Variants in MPRIP observed in about 807,000 individuals in gnomAD.
MPRIP encodes myosin phosphatase Rho interacting protein, also known as myosin phosphatase Rho-interacting protein.
MPRIP carries 59 observed loss-of-function variants against 234.9 expected under a neutral mutation model. That is an observed-to-expected ratio of 0.25 (90% confidence interval 0.20 to 0.31). The LOEUF is 0.31. Among genes scored for constraint, MPRIP ranks in the 10% least tolerant of loss-of-function variants. The probability of loss-of-function intolerance (pLI) is 1.00; values close to 1 mark genes in which losing one functional copy is unlikely to be tolerated. For synonymous variants in MPRIP, 1,144 were observed against 1,263.9 expected (o/e 0.91, Z 2.01); for missense variants, 2,436 against 3,071.0 (o/e 0.79, Z 4.89).
At chr17:17,083,364 G>A (rs2089510109) in intron 3 of MPRIP, among the ~76,000 whole-genome samples, 2 of 152,216 alleles carry the variant, frequency 1.3e-5, no homozygotes, top group Admixed American at 1.3e-4. Flanking sequence ...CACTCCAGGT[G>A]CAGACAGGTT....
At chr17:17,056,784 G>A (rs568728955) in intron 1 of MPRIP, among the ~76,000 whole-genome samples, 1 of 150,506 alleles carries the variant, frequency 6.6e-6, no homozygotes, top group Non-Finnish European at 1.5e-5. Flanking sequence ...AGTCACCCCC[G>A]CCTTTAGTCC....
intron 7 of MPRIP, chr17:17,142,104 C>T (rs1176503325): frequency 6.4e-6 from 1 of 157,396 alleles, no homozygotes; most frequent in Non-Finnish European, 1.4e-5. Flanking sequence ...CGGCCGTAGA[C>T]AGCCTGAGGA....
At chr17:17,048,500 A>G (rs1397754238) in intron 1 of MPRIP, among the ~76,000 whole-genome samples, 1 of 152,164 alleles carries the variant, frequency 6.6e-6, no homozygotes, top group Non-Finnish European at 1.5e-5. Flanking sequence ...GATCTGTAAC[A>G]GGAGTTGGTG....
chr17:17,119,856 G>A (rs996385148), intron 3 of MPRIP, among the ~76,000 whole-genome samples: 6 of 152,212 alleles, frequency 3.9e-5, no homozygotes, highest in Admixed American at 2.0e-4. Context: ...CTGACTCACC[G>A]TTTTCCATTT....
chr17:17,052,210 G>T (rs1479962324), intron 1 of MPRIP, among the ~76,000 whole-genome samples: 1 of 152,156 alleles, frequency 6.6e-6, no homozygotes, highest in Non-Finnish European at 1.5e-5. Context: ...CCTGGCTCCA[G>T]ACTCCACCCT....
At chr17:17,086,477 C>G (rs765816955) in intron 3 of MPRIP, among the ~76,000 whole-genome samples, 1 of 152,148 alleles carries the variant, frequency 6.6e-6, no homozygotes, top group Non-Finnish European at 1.5e-5. Context: ...TGAACCAGTG[C>G]GGTGGAGTCT....
rs758344769 is a variant in MPRIP at position 17,175,281 on chromosome 17, G to A, written c.6751-12G>A. ...AGCTCTGGAGTGTCACTGTTGTGTT[G>A]CTGTCCCCCAGGAGCTGAACAACCG... On this transcript the variant is annotated splice_polypyrimidine_tract_variant and intron_variant, in intron 19 of 23. Transcript: ENST00000651222. 1 of 1,613,026 alleles carries A rather than the reference G, an allele frequency of 6.2e-7. No homozygotes were observed. Among genetic ancestry groups the A allele is most frequent in the East Asian group, 2.2e-5 (1 of 44,886 alleles).
At chr17:17,122,574 C>T (rs1216067718) in intron 3 of MPRIP, among the ~76,000 whole-genome samples, 1 of 152,152 alleles carries the variant, frequency 6.6e-6, no homozygotes, top group Non-Finnish European at 1.5e-5. Flanking sequence ...AGGATGATCT[C>T]GATCTCCTGA....
intron 8 of MPRIP, 103 bp from the exon 9 acceptor site, chr17:17,143,453 G>A: frequency 7.4e-6 from 5 of 680,204 alleles, no homozygotes; most frequent in Non-Finnish European, 1.2e-5. Context: ...CTCGCCAGGA[G>A]CAAGGCCCTG....
intron 9 of MPRIP, among the ~76,000 whole-genome samples, chr17:17,145,225 T>G (rs945342649): frequency 6.6e-6 from 1 of 152,250 alleles, no homozygotes; most frequent in African/African-American, 2.4e-5. Context: ...TTTGTTCTGG[T>G]AGTTATCCTG....
At chr17:17,133,216 C>T (rs988540082) in intron 5 of MPRIP, among the ~76,000 whole-genome samples, 4 of 152,206 alleles carry the variant, frequency 2.6e-5, no homozygotes, top group Non-Finnish European at 4.4e-5. Context: ...GCACAGGGTT[C>T]CTAGCCTTCT....
chr17:17,046,717 G>C (rs1378710061), intron 1 of MPRIP, among the ~76,000 whole-genome samples: 1 of 152,084 alleles, frequency 6.6e-6, no homozygotes, highest in Non-Finnish European at 1.5e-5. Flanking sequence ...TTTAGGTCAG[G>C]GGTCTGCAAA....
chr17:17,084,949 A>T (rs2089551916), intron 3 of MPRIP, among the ~76,000 whole-genome samples: 1 of 152,234 alleles, frequency 6.6e-6, no homozygotes, highest in Admixed American at 6.5e-5. Context: ...TTAGGCCTGG[A>T]GGCCCTTCAT....
chr17:17,172,824 C>T lies in MPRIP; in HGVS notation c.6590+9C>T, dbSNP rs1340469572. Reference sequence around the variant, plus strand: ...CTGCGGCGCCAGTACCTGTAAGTGGCTGGGCCTGCCCATCTGCCCTTGGGA... The same window carrying T: ...CTGCGGCGCCAGTACCTGTAAGTGGTTGGGCCTGCCCATCTGCCCTTGGGA... On this transcript the variant is annotated intron_variant, in intron 18 of 23. Transcript: ENST00000651222. 11 of 1,608,038 alleles carry T rather than the reference C, an allele frequency of 6.8e-6. No individual in the cohort carries two copies. Among genetic ancestry groups the T allele is most frequent in the Non-Finnish European group, 8.5e-6 (10 of 1,176,840 alleles).
intron 1 of MPRIP, 127 bp downstream of exon 1, chr17:17,043,098 G>C: frequency 1.1e-6 from 1 of 883,384 alleles, no homozygotes; most frequent in Non-Finnish European, 1.7e-6. Flanking sequence ...GGGGCATGGG[G>C]ACGGGGACGG....
At chr17:17,100,040 G>A (rs1397453675) in intron 3 of MPRIP, among the ~76,000 whole-genome samples, 1 of 152,334 alleles carries the variant, frequency 6.6e-6, no homozygotes, top group East Asian at 1.9e-4. Flanking sequence ...CTGGGATGGC[G>A]CTGGGTGGGG....
At position 17,188,927 on chromosome 17, in the gene MPRIP, G is replaced by A. The variant is rs1288426437; in HGVS notation, c.*4033G>A. The A allele has an allele frequency of 2.0e-5, 3 of 152,268 alleles. No homozygotes were observed. The highest frequency in any genetic ancestry group is 4.8e-5 in the African/African-American group (2 of 41,452). The allele number at this position is 152,268 out of a possible 1,614,324, so 9.4% of individuals were successfully genotyped here. A position where few individuals can be genotyped will look rare whatever the true frequency, so the allele number is the denominator to read the frequency against. On this transcript the variant is annotated 3_prime_UTR_variant, in exon 24 of 24. Coordinates refer to ENST00000651222, the MANE Select transcript of MPRIP (RefSeq NM_001364716.4). ...TATGACCTGCAGCCTAATTTGGGGTGTAGGGGAAGCTCTGCTGGCCCCTGC... is the reference window on the plus strand; with the variant it reads ...TATGACCTGCAGCCTAATTTGGGGTATAGGGGAAGCTCTGCTGGCCCCTGC...
chr17:17,179,669 G>A (rs7207396), intron 22 of MPRIP: 3,734 of 222,338 alleles, frequency 0.017, 107 homozygotes, highest in African/African-American at 0.066. Context: ...TGGATAATGG[G>A]GGTAGGGGTC....
At chr17:17,180,899 C>T (rs1483691953) in intron 23 of MPRIP, among the ~76,000 whole-genome samples, 1 of 152,230 alleles carries the variant, frequency 6.6e-6, no homozygotes, top group African/African-American at 2.4e-5. Flanking sequence ...GAGCCAGGCA[C>T]CCATCAGCAT....
Sources: allele counts gnomAD v4.1 joint callset (sites outside exome capture counted in the v4.1 genomes callset), GRCh38; gene constraint gnomAD v4.1.1; transcripts MANE v1.5; gene names NCBI Gene and HGNC (gene_info 2026-07-23, HGNC 2026-07-21).